The following TMPRSS9 variants were observed in gnomAD, a reference collection of about 807,000 sequenced individuals.
The protein encoded by TMPRSS9 is transmembrane serine protease 9.
In TMPRSS9, 113 loss-of-function variants were observed where a neutral mutation model predicts 111.4. That is an observed-to-expected ratio of 1.01 (90% CI 0.87 to 1.19). The LOEUF is 1.19. Ranked by LOEUF, TMPRSS9 falls within the 50% of genes most tolerant of loss-of-function variation. The probability of loss-of-function intolerance (pLI) is 0.00; values close to 1 mark genes in which losing one functional copy is unlikely to be tolerated. For missense variants in TMPRSS9, 1,803 were observed against 1,513.1 expected (o/e 1.19, Z -3.18); for synonymous variants, 805 against 659.1 (o/e 1.22, Z -3.39).
chr19:2,426,177 A>C, exon 18 of TMPRSS9: 6 of 1,026,108 alleles, frequency 5.8e-6, no homozygotes, highest in Non-Finnish European at 7.6e-6. Context: ...TACCCTACCC[A>C]AGGACGGGTG....
At chr19:2,402,769 A>G (rs769922174) in intron 5 of TMPRSS9, among the ~76,000 whole-genome samples, 3 of 150,154 alleles carry the variant, frequency 2.0e-5, no homozygotes, top group Non-Finnish European at 2.9e-5. Flanking sequence ...TAAAATAAAA[A>G]TAAATAAAAT....
chr19:2,413,344 G>A (rs1395096035), intron 9 of TMPRSS9, among the ~76,000 whole-genome samples: 1 of 152,166 alleles, frequency 6.6e-6, no homozygotes, highest in Non-Finnish European at 1.5e-5. Context: ...ATATATGGAG[G>A]CACCCGCGTG....
chr19:2,419,860 CACAG>C (rs1402688693), intron 13 of TMPRSS9, among the ~76,000 whole-genome samples: 1 of 152,184 alleles, frequency 6.6e-6, no homozygotes, highest in Non-Finnish European at 1.5e-5. Flanking sequence ...ACCGTGCACA[CACAG>C]ACAGGTTAAT....
intron 2 of TMPRSS9, among the ~76,000 whole-genome samples, chr19:2,397,913 C>G (rs1970743574): frequency 7.2e-6 from 1 of 139,504 alleles, no homozygotes; most frequent in Non-Finnish European, 1.5e-5. Context: ...GAGTGAGACT[C>G]CATCTTAAAA....
At chr19:2,361,467 T>C (rs1568463616) in intron 1 of TMPRSS9, among the ~76,000 whole-genome samples, 1 of 151,902 alleles carries the variant, frequency 6.6e-6, no homozygotes, top group Non-Finnish European at 1.5e-5. Flanking sequence ...GAGCCGCTTC[T>C]GAGTAAACAC....
chr19:2,425,328 C>A, intron 16 of TMPRSS9, 29 bp from the exon 18 acceptor site: 1 of 1,384,896 alleles, frequency 7.2e-7, no homozygotes, highest in Non-Finnish European at 9.4e-7. Flanking sequence ...GCGGTCCCCA[C>A]CCGCCCCGTC....
chr19:2,364,225 G>T (rs907209466), intron 1 of TMPRSS9, among the ~76,000 whole-genome samples: 1 of 149,314 alleles, frequency 6.7e-6, no homozygotes, highest in Non-Finnish European at 1.5e-5. Context: ...AATGAAAGAC[G>T]CATAAATAGA....
chr19:2,363,397 C>G (rs151251856), intron 1 of TMPRSS9, among the ~76,000 whole-genome samples: 1 of 151,068 alleles, frequency 6.6e-6, no homozygotes, highest in South Asian at 2.1e-4. Context: ...AAGGGCTTTG[C>G]GGAGACGTGG....
rs1475068980 is a variant in TMPRSS9 at position 2,424,974 on chromosome 19, C to G, written c.2718-28C>G. The G allele has an allele frequency of 4.1e-6, 6 of 1,475,080 alleles. 1 individual carries two copies. The highest frequency in any genetic ancestry group is 2.2e-4 in the Middle Eastern group (1 of 4,636). The allele number at this position is 1,475,080 out of a possible 1,614,324, so 91.4% of individuals were successfully genotyped here. On this transcript the variant is annotated intron_variant, in intron 15 of 17. Coordinates refer to ENST00000648592, the Ensembl canonical transcript of TMPRSS9. ...GGGGCCGGGGGCGTGGGGGCTCGGG[C>G]CGACGCCTGTCCTCGCGCGCCCCGC... is the stretch of plus-strand genomic sequence containing the variant.
At chr19:2,379,615 C>CCCTTTCTTTCTTTCTT (rs1555676514) in intron 1 of TMPRSS9, among the ~76,000 whole-genome samples, 2 of 118,618 alleles carry the variant, frequency 1.7e-5, no homozygotes, top group Non-Finnish European at 3.5e-5. Context: ...AACTTTCTTT[C>CCCTTTCTTTCTTTCTT]TCTTTCTTTC....
chr19:2,407,592 T>TTTTTTTTCTTTTC (rs1555679318), intron 7 of TMPRSS9, among the ~76,000 whole-genome samples: 1 of 87,892 alleles, frequency 1.1e-5, no homozygotes, highest in African/African-American at 4.3e-5. Flanking sequence ...CACCTGTGAT[T>TTTTTTTTCTTTTC]TTTTTCTTTT....
intron 9 of TMPRSS9, among the ~76,000 whole-genome samples, chr19:2,410,913 C>T (rs187883080): frequency 3.9e-5 from 6 of 152,176 alleles, no homozygotes; most frequent in African/African-American, 9.6e-5. Context: ...AGATTCTCTC[C>T]GTCTGTATGG....
intron 2 of TMPRSS9, 47 bp downstream of exon 3, chr19:2,396,713 CG>C: frequency 4.5e-6 from 7 of 1,564,646 alleles, no homozygotes; most frequent in Admixed American, 1.8e-5. Flanking sequence ...AGCGGGTGGC[CG>C]GGGGCTTTGA....
At chr19:2,418,650 CTTCCCTCCCTACCTTTCCTTTCCT>C (rs1971360110) in intron 13 of TMPRSS9, among the ~76,000 whole-genome samples, 1 of 4,638 alleles carries the variant, frequency 2.2e-4, no homozygotes, top group Non-Finnish European at 6.1e-4. Flanking sequence ...CTTTCCTTCC[CTTCCCTCCCTACCTTTCCTTTCCT>C]TCCCTCCCTC....
At chr19:2,407,270 C>T (rs976145681) in intron 7 of TMPRSS9, among the ~76,000 whole-genome samples, 1 of 151,612 alleles carries the variant, frequency 6.6e-6, no homozygotes, top group Non-Finnish European at 1.5e-5. Flanking sequence ...GAGTGTAATC[C>T]CAGCACTTTG....
chr19:2,380,598 C>CAAAAA (rs112276283), intron 1 of TMPRSS9, among the ~76,000 whole-genome samples: 3 of 110,866 alleles, frequency 2.7e-5, no homozygotes. Context: ...AAGACTCCAC[C>CAAAAA]AAAAAAAAAA....
At chr19:2,363,487 G>C (rs1291487773) in intron 1 of TMPRSS9, among the ~76,000 whole-genome samples, 1 of 148,334 alleles carries the variant, frequency 6.7e-6, no homozygotes, top group Admixed American at 6.7e-5. Context: ...CATGGGTGGA[G>C]ATTTGAGGTA....
At chr19:2,424,214 G>A (rs1454489106) in exon 15 of TMPRSS9, 2 of 1,440,916 alleles carry the variant, frequency 1.4e-6, no homozygotes, top group Non-Finnish European at 9.2e-7. Context: ...GGCCGTGCTG[G>A]TGGCAGAGAG....
chr19:2,413,643 C>T (rs1971146312), intron 9 of TMPRSS9, 57 bp from the exon 11 acceptor site: 1 of 1,545,054 alleles, frequency 6.5e-7, no homozygotes, highest in Non-Finnish European at 8.8e-7. Flanking sequence ...CCTCGTAGCA[C>T]TGGTGTCTGG....
Sources: gnomAD v4.1 joint callset for allele counts (sites outside exome capture counted in the v4.1 genomes callset) on GRCh38, gnomAD v4.1.1 for gene constraint, MANE v1.5 for transcripts, NCBI Gene and HGNC (gene_info 2026-07-23, HGNC 2026-07-21) for gene names.